Variants in HS3ST4 observed in about 807,000 individuals in gnomAD.
HS3ST4 encodes heparan sulfate-glucosamine 3-sulfotransferase 4, also known as heparan sulfate glucosamine 3-O-sulfotransferase 4.
HS3ST4 carries 17 observed loss-of-function variants against 29.2 expected under a neutral mutation model. The observed-to-expected ratio is 0.58, with a 90% confidence interval of 0.40 to 0.87. The LOEUF (loss-of-function observed/expected upper bound fraction) is 0.87. Among genes scored for constraint, HS3ST4 ranks in the 40% least tolerant of loss-of-function variants. The pLI, the probability that HS3ST4 is intolerant of heterozygous loss-of-function variation, is 0.00. For missense variants in HS3ST4, 627 were observed against 634.5 expected, an observed-to-expected ratio of 0.99 and a Z score of 0.13; for synonymous variants, 314 against 285.7, an observed-to-expected ratio of 1.10 and a Z score of -1.00.
chr16:25,800,064 G>GCCTT (rs375409683), intron 1 of HS3ST4, among the ~76,000 whole-genome samples: 3,452 of 147,724 alleles, frequency 0.023, 49 homozygotes, highest in African/African-American at 0.041. Context: ...TTGCCTTCCT[G>GCCTT]CCTTCCTTCC....
intron 1 of HS3ST4, among the ~76,000 whole-genome samples, chr16:26,118,342 A>C (rs959565348): frequency 6.6e-6 from 1 of 152,154 alleles, no homozygotes. Flanking sequence ...GGACTCCCAA[A>C]GTTCAAAGGG....
chr16:25,941,231 T>C (rs1038147352), intron 1 of HS3ST4, among the ~76,000 whole-genome samples: 7 of 152,202 alleles, frequency 4.6e-5, no homozygotes, highest in Admixed American at 2.0e-4. Flanking sequence ...AATGGTGTGA[T>C]CTCAGCTTAC....
chr16:25,802,490 C>T (rs1342187069), intron 1 of HS3ST4, among the ~76,000 whole-genome samples: 1 of 151,890 alleles, frequency 6.6e-6, no homozygotes, highest in Non-Finnish European at 1.5e-5. Flanking sequence ...TTACTGTTCC[C>T]TTCTGTTATA....
intron 1 of HS3ST4, among the ~76,000 whole-genome samples, chr16:26,002,322 T>G (rs1200954745): frequency 6.6e-6 from 1 of 152,136 alleles, no homozygotes; most frequent in Non-Finnish European, 1.5e-5. Context: ...GATACTGACT[T>G]AAGATTGTGG....
intron 1 of HS3ST4, among the ~76,000 whole-genome samples, chr16:26,092,783 G>T (rs895245195): frequency 1.3e-5 from 2 of 152,148 alleles, no homozygotes; most frequent in Admixed American, 6.5e-5. Flanking sequence ...AAGCAGGGCG[G>T]GGCATTGCCT....
chr16:25,730,460 C>T (rs1966563544), intron 1 of HS3ST4, among the ~76,000 whole-genome samples: 1 of 145,422 alleles, frequency 6.9e-6, no homozygotes, highest in African/African-American at 2.6e-5. Context: ...CTTCTTCCTT[C>T]CTTCCTTCTC....
At chr16:26,129,576 A>C (rs1013719650) in intron 1 of HS3ST4, among the ~76,000 whole-genome samples, 4 of 152,204 alleles carry the variant, frequency 2.6e-5, no homozygotes, top group African/African-American at 9.7e-5. Flanking sequence ...TCACTCTTCA[A>C]GATATTAAGT....
chr16:25,951,293 C>T (rs1230017554), intron 1 of HS3ST4, among the ~76,000 whole-genome samples: 1 of 152,218 alleles, frequency 6.6e-6, no homozygotes, highest in East Asian at 1.9e-4. Flanking sequence ...GGTGTCTCTG[C>T]TCATCTTCTG....
intron 1 of HS3ST4, among the ~76,000 whole-genome samples, chr16:26,017,637 C>A (rs1286400326): frequency 1.3e-5 from 2 of 152,118 alleles, no homozygotes; most frequent in Non-Finnish European, 2.9e-5. Context: ...GAGAATCCTC[C>A]CGTATCAGAA....
chr16:26,027,404 CT>C (rs1307407438), intron 1 of HS3ST4, among the ~76,000 whole-genome samples: 3 of 152,188 alleles, frequency 2.0e-5, no homozygotes, highest in Non-Finnish European at 4.4e-5. Flanking sequence ...AGAAGCCTTC[CT>C]TGACTCCCCC....
intron 1 of HS3ST4, among the ~76,000 whole-genome samples, chr16:25,971,718 G>T (rs1596631270): frequency 6.6e-6 from 1 of 152,194 alleles, no homozygotes; most frequent in Non-Finnish European, 1.5e-5. Flanking sequence ...GAGGTCAGGA[G>T]TTCGAGACCA....
chr16:25,805,104 G>A (rs1966977301), intron 1 of HS3ST4, among the ~76,000 whole-genome samples: 1 of 152,018 alleles, frequency 6.6e-6, no homozygotes, highest in Non-Finnish European at 1.5e-5. Flanking sequence ...TGGATGAGTG[G>A]TGTCAACCTA....
rs1487034707 is a variant in HS3ST4, at chr16:25,815,941, G to A, written c.734+122790G>A. Among the ~76,000 whole-genome samples the A allele has an allele frequency of 2.0e-5, 3 of 152,116 alleles. No individual in the cohort carries two copies. In the East Asian group the frequency reaches 5.8e-4, roughly 29 times the overall value. On this transcript the variant is annotated intron_variant, in intron 1 of 1. Transcript: ENST00000331351. ...TTTTTTATAACAATTATTTTGGAGG[G>A]CCTTCTCAAATGAAATTCATAGATA...
intron 1 of HS3ST4, among the ~76,000 whole-genome samples, chr16:25,838,603 G>T (rs1967384026): frequency 6.6e-6 from 1 of 152,120 alleles, no homozygotes; most frequent in Non-Finnish European, 1.5e-5. Flanking sequence ...TGGCTATTTA[G>T]GATCTGGGGT....
intron 1 of HS3ST4, among the ~76,000 whole-genome samples, chr16:25,971,184 T>C (rs1436988718): frequency 6.6e-6 from 1 of 152,130 alleles, no homozygotes; most frequent in East Asian, 1.9e-4. Flanking sequence ...CAATCCCTCT[T>C]TGAGGTGCTG....
chr16:25,887,625 G>A (rs1967967256), intron 1 of HS3ST4, among the ~76,000 whole-genome samples: 1 of 151,768 alleles, frequency 6.6e-6, no homozygotes, highest in South Asian at 2.1e-4. Context: ...TCAGAATGTT[G>A]AGCATGGAAA....
intron 1 of HS3ST4, among the ~76,000 whole-genome samples, chr16:25,954,998 C>T (rs1596625212): frequency 1.3e-5 from 2 of 152,282 alleles, no homozygotes; most frequent in African/African-American, 4.8e-5. Flanking sequence ...AAACAAAGGT[C>T]AGTGGCAGCT....
chr16:25,828,455 C>T (rs1167440203), intron 1 of HS3ST4, among the ~76,000 whole-genome samples: 2 of 151,462 alleles, frequency 1.3e-5, no homozygotes, highest in Admixed American at 6.6e-5. Flanking sequence ...ATTCTCCTGC[C>T]TCAGCCTGCC....
intron 1 of HS3ST4, among the ~76,000 whole-genome samples, chr16:25,865,933 C>T (rs1483353048): frequency 6.6e-6 from 1 of 151,988 alleles, no homozygotes; most frequent in Non-Finnish European, 1.5e-5. Context: ...AAAAATATAA[C>T]CCCAAAAGCA....
Sources: allele counts gnomAD v4.1 joint callset (sites outside exome capture counted in the v4.1 genomes callset), GRCh38; gene constraint gnomAD v4.1.1; transcripts MANE v1.5; gene names NCBI Gene and HGNC (gene_info 2026-07-23, HGNC 2026-07-21).